Variants in RMI1 observed in about 807,000 individuals in gnomAD.
RMI1 encodes RecQ mediated genome instability 1.
Under a neutral mutation model 46.7 loss-of-function variants are expected in RMI1, and 36 were observed. That is an observed-to-expected ratio of 0.77 (90% confidence interval 0.59 to 1.02). The LOEUF is 1.02. Ranked by LOEUF, RMI1 falls within the 50% of genes least tolerant of loss-of-function variation. The pLI is 0.00. For missense variants in RMI1, 676 were observed against 713.7 expected, an observed-to-expected ratio of 0.95 and a Z score of 0.60; for synonymous variants, 250 against 252.9, an observed-to-expected ratio of 0.99 and a Z score of 0.11.
chr9:83,985,157 A>G (rs1185419222), intron 1 of RMI1, among the ~76,000 whole-genome samples: 3 of 152,266 alleles, frequency 2.0e-5, no homozygotes, highest in Admixed American at 2.0e-4. Flanking sequence ...ACTTTATAAT[A>G]TAGATCTTAC....
chr9:83,992,026 T>G (rs1957582441), intron 1 of RMI1, among the ~76,000 whole-genome samples: 1 of 152,234 alleles, frequency 6.6e-6, no homozygotes. Flanking sequence ...AAAAGATTGC[T>G]GGGGATTTGA....
intron 1 of RMI1, among the ~76,000 whole-genome samples, chr9:83,989,641 C>T (rs1287676071): frequency 1.4e-5 from 2 of 146,706 alleles, no homozygotes; most frequent in Admixed American, 6.9e-5. Flanking sequence ...ATCGTCTCAC[C>T]CCAGTTAAAA....
chr9:84,001,038 T>A lies in RMI1; in HGVS notation c.52T>A (p.Trp18Arg). 6.2e-7 allele frequency: 1 copy of A among 1,613,788 alleles called. No homozygotes were observed. Among genetic ancestry groups the A allele is most frequent in the Non-Finnish European group, 8.5e-7 (1 of 1,179,856 alleles). Residue 18 changes from tryptophan to arginine, a missense_variant, in exon 3 of 3, where the codon TGG (tryptophan) becomes AGG (arginine). Physicochemically the swap from Trp to Arg is moderately radical, Grantham distance 101. Transcript: ENST00000445877. Reference protein sequence around the residue: ...LRAETWLLAAWHVKVPPMWLE... With the variant: ...LRAETWLLAARHVKVPPMWLE... The stretch of plus-strand genomic sequence containing the variant: ...AGCTGAAACTTGGCTTTTAGCTGCA[T>A]GGCATGTTAAAGTACCTCCGATGTG...
Position 84,002,477 on chromosome 9 carries a change from A to C in RMI1, c.1491A>C (p.Leu497=). Residue 497 remains leucine (L), a synonymous_variant, in exon 3 of 3, where the codon CTA becomes CTC. Transcript: ENST00000445877. ...CACCCTTTGTCTATTTGTCTGTTCTAATGGCCAGCAAACCAAAGGAAGTTA... is the reference window on the plus strand; with the variant it reads ...CACCCTTTGTCTATTTGTCTGTTCTCATGGCCAGCAAACCAAAGGAAGTTA... ...YSPPFVYLSV[L]MASKPKEVTT... The C allele has an allele frequency of 6.2e-7, 1 of 1,613,970 alleles. No homozygotes were observed. Among genetic ancestry groups the C allele is most frequent in the Non-Finnish European group, 8.5e-7 (1 of 1,179,938 alleles).
At chr9:83,988,875 TGA>T (rs1957529159) in intron 1 of RMI1, among the ~76,000 whole-genome samples, 1 of 152,142 alleles carries the variant, frequency 6.6e-6, no homozygotes. Context: ...GTTTTTTTGT[TGA>T]GACAGGGTCT....
intron 1 of RMI1, among the ~76,000 whole-genome samples, chr9:83,989,674 A>AAAT (rs1554705252): frequency 0.012 from 1,752 of 150,676 alleles, 17 homozygotes; most frequent in Middle Eastern, 0.028. Flanking sequence ...AGACAAAAAA[A>AAAT]AAAATAAAAT....
intron 1 of RMI1, among the ~76,000 whole-genome samples, chr9:83,997,648 A>C (rs1588470246): frequency 6.6e-6 from 1 of 152,002 alleles, no homozygotes; most frequent in Non-Finnish European, 1.5e-5. Flanking sequence ...AGGAGCACTT[A>C]CTATCATGAG....
Position 84,003,082 on chromosome 9 carries a change from T to C in RMI1, c.*218T>C, listed in dbSNP as rs1957764288. 1 of 376,188 alleles carries C rather than the reference T, an allele frequency of 2.7e-6. No individual in the cohort carries two copies. Among genetic ancestry groups the C allele is most frequent in the African/African-American group, 2.1e-5 (1 of 48,168 alleles). The allele number at this position is 376,188 out of a possible 1,614,324, so 23.3% of individuals were successfully genotyped here. On this transcript the variant is annotated 3_prime_UTR_variant, in exon 3 of 3. Coordinates refer to ENST00000445877, the MANE Select transcript of RMI1 (RefSeq NM_001358291.2). ...TTTTTTTAATGTCAGGGTATTGCTC[T>C]GTTGCCCAGGCTAGAGTGCAGTGGC...
In RMI1 at chr9:84,001,710, C is replaced by T. The variant is rs770552137; in HGVS notation, c.724C>T (p.Pro242Ser). The T allele has an allele frequency of 2.0e-5, 33 of 1,613,796 alleles. No individual in the cohort carries two copies. Among genetic ancestry groups the T allele is most frequent in the Non-Finnish European group, 2.4e-5 (28 of 1,179,952 alleles). Reference sequence around the variant, plus strand: ...AGATGTTCTAGATCCTGCATTAGGTCCTTCTGATGAAGAACTCTTGGCAAG... The same window carrying T: ...AGATGTTCTAGATCCTGCATTAGGTTCTTCTGATGAAGAACTCTTGGCAAG... The part of the protein sequence containing the change: ...VTDVLDPALG[P>S]SDEELLASLD... Residue 242 changes from proline (P) to serine (S), a missense_variant, in exon 3 of 3, where the codon CCT becomes TCT. Transcript: ENST00000445877.
intron 1 of RMI1, among the ~76,000 whole-genome samples, chr9:83,995,192 G>T (rs1372852469): frequency 1.3e-5 from 2 of 151,980 alleles, no homozygotes. Context: ...TAGAGATGGG[G>T]TTTCACCATT....
Position 84,002,136 on chromosome 9 carries a change from A to C in RMI1, c.1150A>C (p.Asn384His). 1.9e-6 allele frequency: 3 copies of C among 1,613,822 alleles called. No homozygotes were observed. Among genetic ancestry groups the C allele is most frequent in the Non-Finnish European group, 2.5e-6 (3 of 1,179,882 alleles). Reference protein sequence around the residue: ...SEKNVSEQMTNEDKSFGCPSV... With the variant: ...SEKNVSEQMTHEDKSFGCPSV... Reference sequence around the variant, plus strand: ...AAAAAATGTATCTGAACAAATGACTAATGAAGACAAATCATTTGGTTGTCC... The same window carrying C: ...AAAAAATGTATCTGAACAAATGACTCATGAAGACAAATCATTTGGTTGTCC... The change falls in exon 3 of 3, where the codon AAT becomes CAT. Residue 384 changes from asparagine (N) to histidine (H), a missense_variant. Physicochemically the swap from Asn to His is moderately conservative, Grantham distance 68 (BLOSUM62 1). Coordinates refer to ENST00000445877, the MANE Select transcript of RMI1 (RefSeq NM_001358291.2).
At position 84,002,303 on chromosome 9, in the gene RMI1, TAATAAAA is replaced by T; in HGVS notation, c.1318_1324del (p.Asn440TyrfsTer2). The T allele has an allele frequency of 6.2e-7, 1 of 1,600,124 alleles. No individual in the cohort carries two copies. Among genetic ancestry groups the T allele is most frequent in the Non-Finnish European group, 8.5e-7 (1 of 1,169,968 alleles). The stretch of plus-strand genomic sequence containing the variant: ...GCAGTTCAGATAGCCATTCCTTAAA[TAATAAAA>T]TATTAAATAGAGAGGTGGTCAACTA... On this transcript the variant is annotated frameshift_variant, in exon 3 of 3. Transcript: ENST00000445877. LOFTEE classifies it high-confidence loss of function.
At chr9:83,985,028 G>C (rs968169905) in intron 1 of RMI1, among the ~76,000 whole-genome samples, 1 of 152,118 alleles carries the variant, frequency 6.6e-6, no homozygotes, top group Non-Finnish European at 1.5e-5. Flanking sequence ...TGTGACTATG[G>C]TTACCCAATT....
chr9:83,981,584 TCTC>T, intron 1 of RMI1, among the ~76,000 whole-genome samples: 1 of 152,232 alleles, frequency 6.6e-6, no homozygotes, highest in East Asian at 1.9e-4. Context: ...CCCTGGGAAA[TCTC>T]CAGCCCTGGT....
intron 1 of RMI1, among the ~76,000 whole-genome samples, chr9:83,997,798 A>ATT (rs200236865): frequency 6.9e-5 from 10 of 145,250 alleles, no homozygotes; most frequent in African/African-American, 2.3e-4. Context: ...GATAGGGAGT[A>ATT]TTTTTTTTTT....
chr9:83,999,451 T>G (rs1205438290), intron 1 of RMI1, among the ~76,000 whole-genome samples: 1 of 152,172 alleles, frequency 6.6e-6, no homozygotes, highest in East Asian at 1.9e-4. Flanking sequence ...AAGTAAGAGT[T>G]TATGATATAG....
intron 1 of RMI1, among the ~76,000 whole-genome samples, chr9:83,991,492 A>T (rs949373404): frequency 2.0e-5 from 3 of 151,868 alleles, no homozygotes; most frequent in Admixed American, 6.6e-5. Flanking sequence ...TGTTTTAAAA[A>T]TTTTTTGTAG....
At chr9:83,996,901 A>G (rs1057155994) in intron 1 of RMI1, among the ~76,000 whole-genome samples, 2 of 151,930 alleles carry the variant, frequency 1.3e-5, no homozygotes, top group Admixed American at 6.6e-5. Flanking sequence ...TTAATCAGGC[A>G]TTTATAAACA....
intron 1 of RMI1, among the ~76,000 whole-genome samples, chr9:83,990,580 ATAATT>A (rs199799916): frequency 6.6e-6 from 1 of 152,126 alleles, no homozygotes; most frequent in East Asian, 1.9e-4. Flanking sequence ...ATAGTTAACA[ATAATT>A]TATTATTTCA....
Sources: allele counts gnomAD v4.1 joint callset (sites outside exome capture counted in the v4.1 genomes callset), GRCh38; gene constraint gnomAD v4.1.1; transcripts MANE v1.5; gene names NCBI Gene and HGNC (gene_info 2026-07-23, HGNC 2026-07-21).